The following STAC3 variants were observed in gnomAD, a reference collection of about 807,000 sequenced individuals.
STAC3 encodes SH3 and cysteine rich domain 3, also known as SH3 and cysteine-rich domain-containing protein 3.
Under a neutral mutation model 48.5 loss-of-function variants are expected in STAC3, and 30 were observed. The observed-to-expected ratio is 0.62, with a 90% CI of 0.46 to 0.84. The LOEUF (loss-of-function observed/expected upper bound fraction) is 0.84, where lower values mean the gene tolerates loss of function less well. Ranked by LOEUF, STAC3 falls within the 40% of genes least tolerant of loss-of-function variation. The pLI is 0.00. For synonymous variants in STAC3, 144 were observed against 158.6 expected (o/e 0.91, Z 0.69); for missense variants, 419 against 462.6 (o/e 0.91, Z 0.86).
chr12:57,244,655 C>T lies in STAC3; in HGVS notation c.721-33G>A, dbSNP rs754888977. ...TGCAAGGGAATGATGAGTCTTAGGG[C>T]TCCTCTACCCCACACTGAGGGGCAG... On this transcript the variant is annotated intron_variant, in intron 8 of 11. Coordinates refer to ENST00000332782, the MANE Select transcript of STAC3 (RefSeq NM_145064.3). The T allele has an allele frequency of 3.1e-6, 5 of 1,610,990 alleles. No homozygotes were observed. The South Asian group carries it at 5.5e-5, about 18-fold the overall frequency.
rs2037654076 is a variant in STAC3, at chr12:57,243,618, C to A, written c.*194G>T. 1.6e-6 allele frequency: 1 copy of A among 617,030 alleles called. No homozygotes were observed. The highest frequency in any genetic ancestry group is 1.5e-5 in the South Asian group (1 of 65,904). The allele number at this position is 617,030 out of a possible 1,614,324, so 38.2% of individuals were successfully genotyped here. ...GGTTTCGGGTCCGGGCTGCTCTGGG[C>A]AGCAGGTATCCGAGGCCCCAGGCTG... On this transcript the variant is annotated 3_prime_UTR_variant, in exon 12 of 12. Coordinates refer to ENST00000332782, the MANE Select transcript of STAC3 (RefSeq NM_145064.3).
chr12:57,244,637 G>C lies in STAC3; in HGVS notation c.721-15C>G, dbSNP rs372885898. The C allele has an allele frequency of 6.2e-7, 1 of 1,614,084 alleles. No individual in the cohort carries two copies. ...GGCTGCTTGTGCTGGGGGTGCAAGG[G>C]AATGATGAGTCTTAGGGCTCCTCTA... On this transcript the variant is annotated splice_polypyrimidine_tract_variant and intron_variant, in intron 8 of 11. Coordinates refer to ENST00000332782, the MANE Select transcript of STAC3 (RefSeq NM_145064.3).
At position 57,245,041 on chromosome 12, in the gene STAC3, C is replaced by A. The variant is rs569555866; in HGVS notation, c.671-76G>T. On this transcript the variant is annotated intron_variant, in intron 7 of 11. Coordinates refer to ENST00000332782, the MANE Select transcript of STAC3 (RefSeq NM_145064.3). ...ATTCTCTTACCCTTTTGTGGAAGGG[C>A]CTCGTCTATCCAAAGCTGGCCTGCC... 18 of 1,601,080 alleles carry A rather than the reference C, an allele frequency of 1.1e-5. No individual in the cohort carries two copies. In the Admixed American group the frequency reaches 1.8e-4, roughly 16 times the overall value.
At chr12:57,249,398 C>T (rs2037845976) in intron 2 of STAC3, 90 bp from the exon 3 acceptor site, 1 of 1,513,096 alleles carries the variant, frequency 6.6e-7, no homozygotes, top group South Asian at 1.3e-5. Context: ...AGACAGTTTT[C>T]TAGTTTCAGG....
chr12:57,250,609 TCTC>T (rs1284096146), intron 1 of STAC3, among the ~76,000 whole-genome samples: 1 of 152,090 alleles, frequency 6.6e-6, no homozygotes, highest in African/African-American at 2.4e-5. Context: ...CCTTCCCAGA[TCTC>T]CTCTCTTCAA....
At position 57,249,253 on chromosome 12, in the gene STAC3, T is replaced by G. The variant is rs756235395; in HGVS notation, c.122A>C (p.Glu41Ala). The change falls in exon 3 of 12, where the codon GAA becomes GCA. Residue 41 changes from glutamate to alanine, a missense_variant. Physicochemically the swap from Glu to Ala is moderately radical, Grantham distance 107 (BLOSUM62 -1). Coordinates refer to ENST00000332782, the MANE Select transcript of STAC3 (RefSeq NM_145064.3). Reference sequence around the variant, plus strand: ...ATTGGCCTGGGGCTCTGGGGGAAGTTCCATCTCCTTTGTCCCTGTAGAACC... The same window carrying G: ...ATTGGCCTGGGGCTCTGGGGGAAGTGCCATCTCCTTTGTCCCTGTAGAACC... ...RKGSTGTKEMELPPEPQANGE... is the reference protein window; with the variant it reads ...RKGSTGTKEMALPPEPQANGE... 1.9e-6 allele frequency: 3 copies of G among 1,613,762 alleles called. No homozygotes were observed. In the South Asian group the frequency reaches 3.3e-5, roughly 18 times the overall value.
In STAC3 at chr12:57,249,174, C is replaced by T. The variant is rs746417035; in HGVS notation, c.201G>A (p.Glu67=). 3 of 1,613,912 alleles carry T rather than the reference C, an allele frequency of 1.9e-6. No homozygotes were observed. The highest frequency in any genetic ancestry group is 1.3e-5 in the African/African-American group (1 of 74,902). Residue 67 remains glutamate (E), a synonymous_variant, in exon 3 of 12, where the codon GAG becomes GAA. Transcript: ENST00000332782. ...CCTCCTCCTCCTCTTCTTCCTCTTC[C>T]TCTTCCTCATAGATGTAGTAGATGG... ...GGPIYYIYEE[E]EEEEEEEEEP... is the part of the protein sequence containing the mutation.
rs571406474 is a variant in STAC3 at position 57,248,763 on chromosome 12, G to A, written c.375C>T (p.Thr125=). ...AGGACTGACAGTGTTCATGGATGTTGGTTTTGCAGTTCTTACAGCGAAGCC... is the reference window on the plus strand; with the variant it reads ...AGGACTGACAGTGTTCATGGATGTTAGTTTTGCAGTTCTTACAGCGAAGCC... The part of the protein sequence containing the change: ...KFGLRCKNCK[T]NIHEHCQSYV... The change falls in exon 4 of 12, where the codon ACC becomes ACT. Residue 125 remains threonine (T), a synonymous_variant. Coordinates refer to ENST00000332782, the MANE Select transcript of STAC3 (RefSeq NM_145064.3). 4.9e-5 allele frequency: 79 copies of A among 1,614,106 alleles called. No homozygotes were observed. The South Asian group carries it at 8.0e-4, about 16-fold the overall frequency.
Position 57,248,517 on chromosome 12 carries a change from T to C in STAC3, c.432+189A>G, listed in dbSNP as rs564929995. ...CCTCAGCCTCCTGAGTAGCTGGGACTACAGGCACCTGTCACCACGCCCGGC... is the reference window on the plus strand; with the variant it reads ...CCTCAGCCTCCTGAGTAGCTGGGACCACAGGCACCTGTCACCACGCCCGGC... On this transcript the variant is annotated intron_variant, in intron 4 of 11. Transcript: ENST00000332782. Among the ~76,000 whole-genome samples, 20 of 152,164 alleles carry C rather than the reference T, an allele frequency of 1.3e-4. No individual in the cohort carries two copies. The East Asian group carries it at 3.9e-3, about 29-fold the overall frequency.
chr12:57,248,261 C>T lies in STAC3; in HGVS notation c.433-63G>A, dbSNP rs753060630. 3.9e-6 allele frequency: 5 copies of T among 1,283,406 alleles called. No homozygotes were observed. The East Asian group carries it at 6.9e-5, about 18-fold the overall frequency. The allele number at this position is 1,283,406 out of a possible 1,614,324, so 79.5% of individuals were successfully genotyped here. A position where few individuals can be genotyped will look rare whatever the true frequency, so the allele number is the denominator to read the frequency against. The stretch of plus-strand genomic sequence containing the variant: ...AAGTAAGGTCCAGAAGCCTATCTCT[C>T]CCAGGAGTGCTCACCCTTTCTCAGA... On this transcript the variant is annotated intron_variant, in intron 4 of 11. Transcript: ENST00000332782.
rs140586297 is a variant in STAC3, at chr12:57,248,535, C to T, written c.432+171G>A. 4.8e-3 allele frequency among the ~76,000 whole-genome samples: 732 copies of T among 152,228 alleles called. 2 individuals are homozygous for T. Among genetic ancestry groups the T allele is most frequent in the Middle Eastern group, 0.017 (5 of 294 alleles). ...CTGGGACTACAGGCACCTGTCACCA[C>T]GCCCGGCTAATTTTTTGTATTTAGA... On this transcript the variant is annotated intron_variant, in intron 4 of 11. Transcript: ENST00000332782.
Position 57,243,696 on chromosome 12 carries a change from G to A in STAC3, c.*116C>T. The A allele has an allele frequency of 1.0e-6, 1 of 971,276 alleles. No homozygotes were observed. Among genetic ancestry groups the A allele is most frequent in the Non-Finnish European group, 1.6e-6 (1 of 618,738 alleles). 60.2% of individuals were successfully genotyped at this position (971,276 alleles called of 1,614,324 possible). A position where few individuals can be genotyped will look rare whatever the true frequency, so the allele number is the denominator to read the frequency against. Reference sequence around the variant, plus strand: ...CCGGAAGCCCCGTCGCGCTCAGGCGGGCCTTCCTACCCCTCCTCTCCCAGC... The same window carrying A: ...CCGGAAGCCCCGTCGCGCTCAGGCGAGCCTTCCTACCCCTCCTCTCCCAGC... On this transcript the variant is annotated 3_prime_UTR_variant, in exon 12 of 12. Transcript: ENST00000332782.
chr12:57,248,132 C>A lies in STAC3; in HGVS notation c.499G>T (p.Asp167Tyr), dbSNP rs1406399344. The A allele has an allele frequency of 8.7e-6, 14 of 1,613,708 alleles. No individual in the cohort carries two copies. Among genetic ancestry groups the A allele is most frequent in the Non-Finnish European group, 9.3e-6 (11 of 1,179,628 alleles). Residue 167 changes from aspartate to tyrosine, a missense_variant, in exon 5 of 12, where the codon GAT becomes TAT. By Grantham distance (160) the Asp-to-Tyr change is radical. Transcript: ENST00000332782. ...TTCCATAAAGGGCACTTACAGAGATCTTTGACACAAGCGTACTGCTGGTTG... is the reference window on the plus strand; with the variant it reads ...TTCCATAAAGGGCACTTACAGAGATATTTGACACAAGCGTACTGCTGGTTG... Reference protein sequence around the residue: ...YSNQQYACVKDLSAANRNDPV... With the variant: ...YSNQQYACVKYLSAANRNDPV...
intron 4 of STAC3, 102 bp from the exon 5 acceptor site, chr12:57,248,300 TGAGA>T: frequency 1.0e-6 from 1 of 989,942 alleles, no homozygotes; most frequent in Non-Finnish European, 1.6e-6. Flanking sequence ...AGAGATGGGC[TGAGA>T]AAGAAAAAGC....
chr12:57,248,934 A>G, intron 3 of STAC3, 107 bp downstream of exon 3: 2 of 1,547,380 alleles, frequency 1.3e-6, no homozygotes, highest in Non-Finnish European at 8.8e-7. Flanking sequence ...ATTGCCTTAC[A>G]CCAACTCTAG....
Position 57,244,350 on chromosome 12 carries a change from T to C in STAC3, c.823A>G (p.Thr275Ala). 6.2e-7 allele frequency: 1 copy of C among 1,614,192 alleles called. No homozygotes were observed. Among genetic ancestry groups the C allele is most frequent in the Non-Finnish European group, 8.5e-7 (1 of 1,180,046 alleles). ...TCTTCATTGGAGTCATCAATGACTG[T>C]GATCTTCTCTCCTGGCCTGGGAGGG... Reference protein sequence around the residue: ...DLDFPPGEKITVIDDSNEEWW... With the variant: ...DLDFPPGEKIAVIDDSNEEWW... Residue 275 changes from threonine to alanine, a missense_variant, in exon 10 of 12, where the codon ACA becomes GCA. Physicochemically the swap from Thr to Ala is moderately conservative, Grantham distance 58. Transcript: ENST00000332782.
At chr12:57,250,928 G>C (rs185684233) in intron 1 of STAC3, 65 bp downstream of exon 1, 240 of 204,594 alleles carry the variant, frequency 1.2e-3, no homozygotes, top group Admixed American at 2.0e-3. Flanking sequence ...AAGCTGAGTA[G>C]ATTATAGATC....
rs529647192 is a variant in STAC3 at position 57,249,290 on chromosome 12, A to T, written c.85T>A (p.Leu29Ile). ...GTCCCTGTAGAACCCTTCCTGAGTA[A>T]CTGCTTTAGCCGCTGTAGCTGAGGG... ...RQSGLQRLKQ[L>I]LRKGSTGTKE... Residue 29 changes from leucine (L) to isoleucine (I), a missense_variant, in exon 3 of 12, where the codon TTA becomes ATA. Leu to Ile is a conservative substitution (Grantham distance 5). Transcript: ENST00000332782. 1 of 1,597,028 alleles carries T rather than the reference A, an allele frequency of 6.3e-7. No individual in the cohort carries two copies. The highest frequency in any genetic ancestry group is 8.5e-7 in the Non-Finnish European group (1 of 1,171,692).
intron 1 of STAC3, 74 bp downstream of exon 1, chr12:57,250,919 A>C (rs2037888872): frequency 5.6e-6 from 1 of 177,696 alleles, no homozygotes; most frequent in South Asian, 1.1e-4. Context: ...GAAATGAAGA[A>C]GCTGAGTAGA....
Sources: allele counts gnomAD v4.1 joint callset (sites outside exome capture counted in the v4.1 genomes callset), GRCh38; gene constraint gnomAD v4.1.1; transcripts MANE v1.5; gene names NCBI Gene and HGNC (gene_info 2026-07-23, HGNC 2026-07-21).